Variants in DNAH11 observed in about 807,000 individuals in gnomAD.
DNAH11 encodes the protein axonemal beta dynein heavy chain 11.
Under a neutral mutation model 526.0 loss-of-function variants are expected in DNAH11, and 442 were observed. That is an observed-to-expected ratio of 0.84 (90% CI 0.78 to 0.91). The LOEUF is 0.91. Ranked by LOEUF, DNAH11 falls within the 40% of genes least tolerant of loss-of-function variation. DNAH11 has a pLI of 0.00. For missense variants in DNAH11, 6,989 were observed against 5,448.7 expected, an observed-to-expected ratio of 1.28 and a Z score of -8.90; for synonymous variants, 2,461 against 1,935.9, an observed-to-expected ratio of 1.27 and a Z score of -7.12.
chr7:21,598,895 A>G (rs920653264), intron 14 of DNAH11, among the ~76,000 whole-genome samples: 1 of 152,100 alleles, frequency 6.6e-6, no homozygotes, highest in Non-Finnish European at 1.5e-5. Flanking sequence ...AGCTCCATCC[A>G]TGTTCCTGCA....
chr7:21,735,163 C>G (rs988721854), intron 45 of DNAH11, among the ~76,000 whole-genome samples: 2 of 152,218 alleles, frequency 1.3e-5, no homozygotes, highest in Non-Finnish European at 2.9e-5. Context: ...GAGCAAGACA[C>G]CGTCTCAGAA....
chr7:21,647,546 C>T (rs1034818266), intron 28 of DNAH11, among the ~76,000 whole-genome samples: 10 of 151,558 alleles, frequency 6.6e-5, no homozygotes, highest in African/African-American at 1.2e-4. Context: ...TCTCCTGCCT[C>T]AGCCTCCTGA....
At chr7:21,622,350 C>T (rs1206010354) in intron 25 of DNAH11, among the ~76,000 whole-genome samples, 4 of 152,192 alleles carry the variant, frequency 2.6e-5, no homozygotes, top group African/African-American at 7.2e-5. Flanking sequence ...ACGTTCCATG[C>T]TCATGGGTAA....
chr7:21,660,297 A>G (rs1043907853), intron 30 of DNAH11, among the ~76,000 whole-genome samples: 8 of 152,074 alleles, frequency 5.3e-5, no homozygotes, highest in Admixed American at 3.3e-4. Flanking sequence ...AAGGACATTT[A>G]AAAATACTTG....
chr7:21,642,079 A>T (rs141926606), intron 28 of DNAH11, among the ~76,000 whole-genome samples: 10 of 152,312 alleles, frequency 6.6e-5, no homozygotes, highest in Non-Finnish European at 1.5e-4. Context: ...TACAGTTTTG[A>T]CACACAGATT....
chr7:21,615,938 C>G (rs980922969), intron 21 of DNAH11, among the ~76,000 whole-genome samples: 1 of 152,114 alleles, frequency 6.6e-6, no homozygotes, highest in African/African-American at 2.4e-5. Context: ...TCAAAGTACA[C>G]AGGATTAAGT....
chr7:21,652,429 C>T (rs887035822), intron 28 of DNAH11, among the ~76,000 whole-genome samples: 1 of 152,166 alleles, frequency 6.6e-6, no homozygotes, highest in Non-Finnish European at 1.5e-5. Context: ...GATGCTCGTT[C>T]TGTACCTTAA....
At position 21,748,755 on chromosome 7, in the gene DNAH11, G is replaced by A. The variant is rs1184102979; in HGVS notation, c.8673+13G>A. ...CCAGGAACTTCGGGTGAGTCAAGGG[G>A]ACAGGCAGTTCTTCTGACCCTTCTG... On this transcript the variant is annotated intron_variant, in intron 52 of 81. Transcript: ENST00000409508. 2.5e-6 allele frequency: 4 copies of A among 1,609,854 alleles called. No individual in the cohort carries two copies. Among genetic ancestry groups the A allele is most frequent in the East Asian group, 2.2e-5 (1 of 44,674 alleles).
chr7:21,687,463 G>C lies in DNAH11; in HGVS notation c.5860G>C (p.Val1954Leu), dbSNP rs1783428368. Residue 1954 changes from valine (V) to leucine (L), a missense_variant, in exon 34 of 82, where the codon GTT becomes CTT. Physicochemically the swap from Val to Leu is conservative, Grantham distance 32 (BLOSUM62 1). Coordinates refer to ENST00000409508, the MANE Select transcript of DNAH11 (RefSeq NM_001277115.2). ...FDEFNRISVE[V>L]LSVVAVQVKM... Reference sequence around the variant, plus strand: ...TGAGTTCAACCGAATCTCTGTGGAAGTTCTGTCAGTGGTGGCAGTACAAGT... The same window carrying C: ...TGAGTTCAACCGAATCTCTGTGGAACTTCTGTCAGTGGTGGCAGTACAAGT... The C allele has an allele frequency of 6.2e-7, 1 of 1,613,990 alleles. No homozygotes were observed. The highest frequency in any genetic ancestry group is 2.2e-5 in the East Asian group (1 of 44,876).
At position 21,725,975 on chromosome 7, in the gene DNAH11, G is replaced by A; in HGVS notation, c.7431G>A (p.Val2477=). The change falls in exon 45 of 82, where the codon GTG becomes GTA. Residue 2477 remains valine, a synonymous_variant. Coordinates refer to ENST00000409508, the MANE Select transcript of DNAH11 (RefSeq NM_001277115.2). ...KIAQFTMDPD[V]PLQTVLVHTT... ...CCCAGTTTACTATGGATCCAGATGT[G>A]CCTCTGCAGGTAGGTGTGTGGAACA... 6.4e-7 allele frequency: 1 copy of A among 1,551,398 alleles called. No homozygotes were observed. The highest frequency in any genetic ancestry group is 8.7e-7 in the Non-Finnish European group (1 of 1,146,776).
Position 21,713,195 on chromosome 7 carries a change from C to T in DNAH11, c.6983+1335C>T, listed in dbSNP as rs1010546499. Among the ~76,000 whole-genome samples the T allele has an allele frequency of 2.0e-5, 3 of 152,194 alleles. No individual in the cohort carries two copies. In the East Asian group the frequency reaches 5.8e-4, roughly 29 times the overall value. ...GAGTCACTGAGCTCTGCCAGTGAAC[C>T]CATGCTTGTGCCTGGCATGCTTCTT... On this transcript the variant is annotated intron_variant, in intron 42 of 81. Transcript: ENST00000409508.
In DNAH11 at chr7:21,894,668, T is replaced by A. The variant is rs186358036; in HGVS notation, c.12796T>A (p.Phe4266Ile). 1.9e-5 allele frequency: 30 copies of A among 1,613,872 alleles called. No individual in the cohort carries two copies. The African/African-American group carries it at 3.9e-4, about 21-fold the overall frequency. ...CATTTTGGAGAAACTTCCAGAAGAGTTCAACATGGCAGAGATAATGCAAAA... is the reference window on the plus strand; with the variant it reads ...CATTTTGGAGAAACTTCCAGAAGAGATCAACATGGCAGAGATAATGCAAAA... ...DDILEKLPEEFNMAEIMQKNS... is the reference protein window; with the variant it reads ...DDILEKLPEEINMAEIMQKNS... Residue 4266 changes from phenylalanine to isoleucine, a missense_variant, in exon 78 of 82, where the codon TTC (phenylalanine) becomes ATC (isoleucine). Coordinates refer to ENST00000409508, the MANE Select transcript of DNAH11 (RefSeq NM_001277115.2).
intron 62 of DNAH11, among the ~76,000 whole-genome samples, chr7:21,802,572 C>A (rs1182167697): frequency 6.6e-6 from 1 of 152,070 alleles, no homozygotes; most frequent in Non-Finnish European, 1.5e-5. Context: ...ACCCACATGT[C>A]CCTTAATTGA....
intron 73 of DNAH11, among the ~76,000 whole-genome samples, chr7:21,871,734 G>A (rs80111859): frequency 0.024 from 3,648 of 152,176 alleles, 147 homozygotes; most frequent in African/African-American, 0.082. Context: ...TTGCTAGAGT[G>A]GACGGCCAAC....
chr7:21,736,245 C>T lies in DNAH11; in HGVS notation c.7645+401C>T, dbSNP rs550062101. 2.0e-3 allele frequency among the ~76,000 whole-genome samples: 303 copies of T among 152,280 alleles called. 2 individuals are homozygous for T. The highest frequency in any genetic ancestry group is 0.01 in the Middle Eastern group (3 of 294). ...CATTAAAACTGTGTTGAGTAAATGA[C>T]AGAGCCAAGAGTCATTAATGAAATC... On this transcript the variant is annotated intron_variant, in intron 46 of 81. Transcript: ENST00000409508.
intron 65 of DNAH11, among the ~76,000 whole-genome samples, chr7:21,834,260 G>A (rs77036047): frequency 1.7e-3 from 264 of 151,974 alleles, no homozygotes; most frequent in African/African-American, 5.9e-3. Flanking sequence ...AACAACAAAC[G>A]GGTCAAAAAG....
chr7:21,750,045 C>T (rs1786344344), intron 53 of DNAH11, among the ~76,000 whole-genome samples, 177 bp from the exon 54 acceptor site: 1 of 152,126 alleles, frequency 6.6e-6, no homozygotes, highest in Admixed American at 6.5e-5. Flanking sequence ...TTCACCATGG[C>T]TCGTCTTCAA....
rs1228359769 is a variant in DNAH11, at chr7:21,765,566, A to G, written c.9079A>G (p.Ile3027Val). The G allele has an allele frequency of 1.3e-6, 2 of 1,561,226 alleles. No homozygotes were observed. Among genetic ancestry groups the G allele is most frequent in the Admixed American group, 1.7e-5 (1 of 58,018 alleles). The change falls in exon 55 of 82, where the codon ATT (isoleucine) becomes GTT (valine). Residue 3027 changes from isoleucine to valine, a missense_variant. Transcript: ENST00000409508. The part of the protein sequence containing the change: ...EALVSVSRRF[I>V]EETKGIEPVH... ...TCTGGTCTCCGTCAGCAGGAGGTTCATTGAGGAAACCAAGGGAATTGAGGT... is the reference window on the plus strand; with the variant it reads ...TCTGGTCTCCGTCAGCAGGAGGTTCGTTGAGGAAACCAAGGGAATTGAGGT...
chr7:21,615,172 G>C lies in DNAH11; in HGVS notation c.3911G>C (p.Arg1304Pro), dbSNP rs369475751. 16 of 1,612,956 alleles carry C rather than the reference G, an allele frequency of 9.9e-6. No individual in the cohort carries two copies. The highest frequency in any genetic ancestry group is 1.4e-5 in the Non-Finnish European group (16 of 1,179,432). The change falls in exon 21 of 82, where the codon CGT (arginine) becomes CCT (proline). Residue 1304 changes from arginine (R) to proline (P), a missense_variant. Arg to Pro is a moderately radical substitution (Grantham distance 103). Transcript: ENST00000409508. Reference sequence around the variant, plus strand: ...ATGTTGCAGATGCAAGAATCTACTCGTCTTTTTGAAGTGGCTCTTCCAGAG... The same window carrying C: ...ATGTTGCAGATGCAAGAATCTACTCCTCTTTTTGAAGTGGCTCTTCCAGAG... Reference protein sequence around the residue: ...EEMLQMQESTRLFEVALPEYK... With the variant: ...EEMLQMQESTPLFEVALPEYK...
Sources: gnomAD v4.1 joint callset for allele counts (sites outside exome capture counted in the v4.1 genomes callset) on GRCh38, gnomAD v4.1.1 for gene constraint, MANE v1.5 for transcripts, NCBI Gene and HGNC (gene_info 2026-07-23, HGNC 2026-07-21) for gene names.